PAK5: variants seen among roughly 807,000 people sequenced by gnomAD.
PAK5 encodes serine/threonine-protein kinase PAK 5.
Under a neutral mutation model 65.9 loss-of-function variants are expected in PAK5, and 16 were observed. That is an observed-to-expected ratio of 0.24 (90% CI 0.16 to 0.37). The LOEUF is 0.37. PAK5 is among the 10% of genes least tolerant of loss of function. The pLI is 1.00. For synonymous variants in PAK5, 371 were observed against 354.9 expected (o/e 1.05, Z -0.51); for missense variants, 785 against 903.9 (o/e 0.87, Z 1.69).
chr20:9,650,790 A>G (rs906802180), intron 2 of PAK5, among the ~76,000 whole-genome samples: 8 of 152,162 alleles, frequency 5.3e-5, no homozygotes, highest in Non-Finnish European at 1.0e-4. Context: ...CTCACCAGCA[A>G]TGCCTAGGGA....
chr20:9,777,948 T>A (rs141266398), intron 1 of PAK5, among the ~76,000 whole-genome samples: 3 of 152,270 alleles, frequency 2.0e-5, no homozygotes, highest in Admixed American at 1.3e-4. Context: ...GCTAAGCACT[T>A]GGGTGGGTTT....
At chr20:9,663,507 A>T (rs2047373813) in intron 2 of PAK5, among the ~76,000 whole-genome samples, 1 of 152,178 alleles carries the variant, frequency 6.6e-6, no homozygotes, top group Admixed American at 6.6e-5. Context: ...TCTTCAACTT[A>T]ATACTACTAT....
chr20:9,663,885 C>G (rs4816160), intron 2 of PAK5, among the ~76,000 whole-genome samples: 29,184 of 152,102 alleles, frequency 0.19, 3,351 homozygotes, highest in East Asian at 0.4. Context: ...GAATCACAAA[C>G]TAGAAATTAT....
At chr20:9,745,789 G>GA (rs1446120036) in intron 1 of PAK5, among the ~76,000 whole-genome samples, 1 of 151,782 alleles carries the variant, frequency 6.6e-6, no homozygotes, top group Non-Finnish European at 1.5e-5. Context: ...ATGAAGAACA[G>GA]AAAAATGAGT....
intron 3 of PAK5, among the ~76,000 whole-genome samples, chr20:9,585,755 A>G (rs1261357473): frequency 6.6e-6 from 1 of 152,212 alleles, no homozygotes; most frequent in Non-Finnish European, 1.5e-5. Context: ...GTTTTAAAAC[A>G]TCCTAATGCC....
In PAK5 at chr20:9,635,131, CTCTT is replaced by C. The variant is rs546067130; in HGVS notation, c.204+8990_204+8993del. ...ATTAACTGTCTTTATAACATATACA[CTCTT>C]TCTTCTTTAAGAAGGTTTGAATTTT... On this transcript the variant is annotated intron_variant, in intron 3 of 9. Transcript: ENST00000353224. Among the ~76,000 whole-genome samples the C allele has an allele frequency of 1.5e-4, 23 of 152,232 alleles. No individual in the cohort carries two copies. In the South Asian group the frequency reaches 4.2e-3, roughly 27 times the overall value.
intron 1 of PAK5, among the ~76,000 whole-genome samples, chr20:9,766,812 A>T (rs747444532): frequency 6.6e-6 from 1 of 152,048 alleles, no homozygotes; most frequent in Non-Finnish European, 1.5e-5. Flanking sequence ...GGTACTAATG[A>T]TATTCTGCTT....
In PAK5 at chr20:9,565,985, A is replaced by G; in HGVS notation, c.1390T>C (p.Cys464Arg). The change falls in exon 5 of 10, where the codon TGC (cysteine) becomes CGC (arginine). Residue 464 changes from cysteine to arginine, a missense_variant. Transcript: ENST00000353224. The part of the protein sequence containing the change: ...KIGEGSTGIV[C>R]IATEKHTGKQ... ...CCTGTGTGTTTCTCGGTGGCGATGC[A>G]TACGATGCCGGTTGAGCCTTCCCCG... The G allele has an allele frequency of 6.3e-7, 1 of 1,586,936 alleles. No individual in the cohort carries two copies. The highest frequency in any genetic ancestry group is 8.6e-7 in the Non-Finnish European group (1 of 1,168,922).
chr20:9,744,662 C>T (rs1396963414), intron 1 of PAK5, among the ~76,000 whole-genome samples: 1 of 152,190 alleles, frequency 6.6e-6, no homozygotes, highest in Non-Finnish European at 1.5e-5. Context: ...CAGAACTTCA[C>T]ATGAATGAGA....
chr20:9,638,814 T>G (rs1271017182), intron 3 of PAK5, among the ~76,000 whole-genome samples: 1 of 152,162 alleles, frequency 6.6e-6, no homozygotes, highest in African/African-American at 2.4e-5. Context: ...GGAAGAGTGT[T>G]GGTGGCAACG....
chr20:9,728,931 T>C (rs1460928546), intron 1 of PAK5, among the ~76,000 whole-genome samples: 1 of 152,224 alleles, frequency 6.6e-6, no homozygotes, highest in Non-Finnish European at 1.5e-5. Flanking sequence ...TCTTCATTTA[T>C]AGTATTGTGC....
At chr20:9,780,580 C>G (rs2048930919) in intron 1 of PAK5, among the ~76,000 whole-genome samples, 1 of 151,626 alleles carries the variant, frequency 6.6e-6, no homozygotes, top group Non-Finnish European at 1.5e-5. Context: ...TATGACTAAT[C>G]AAGATTTTAA....
rs991292249 is a variant in PAK5, at chr20:9,596,432, C to T, written c.205-15502G>A. Among the ~76,000 whole-genome samples, 65 of 152,096 alleles carry T rather than the reference C, an allele frequency of 4.3e-4. 1 individual carries two copies. Among genetic ancestry groups the T allele is most frequent in the African/African-American group, 1.3e-3 (55 of 41,520 alleles). ...CGGGCGGATCACAAGGTCAGGAGAT[C>T]AAGACCATCCTGGCTAACACAGTGA... On this transcript the variant is annotated intron_variant, in intron 3 of 9. Coordinates refer to ENST00000353224, the MANE Select transcript of PAK5 (RefSeq NM_177990.4).
chr20:9,589,725 C>T (rs1013976151), intron 3 of PAK5, among the ~76,000 whole-genome samples: 1 of 151,898 alleles, frequency 6.6e-6, no homozygotes, highest in Non-Finnish European at 1.5e-5. Flanking sequence ...GGCTGGAGTG[C>T]AATGGTGTGA....
chr20:9,591,828 CTGTTGT>C (rs963084885), intron 3 of PAK5, among the ~76,000 whole-genome samples: 1 of 151,952 alleles, frequency 6.6e-6, no homozygotes, highest in Admixed American at 6.6e-5. Flanking sequence ...ATTTAAATTT[CTGTTGT>C]TGTTGTTGTT....
At chr20:9,661,611 C>T (rs889418175) in intron 2 of PAK5, among the ~76,000 whole-genome samples, 12 of 152,108 alleles carry the variant, frequency 7.9e-5, no homozygotes, top group African/African-American at 2.7e-4. Flanking sequence ...TATTCTTCTC[C>T]CACCTCTCAT....
intron 3 of PAK5, among the ~76,000 whole-genome samples, chr20:9,616,316 A>G (rs2046654596): frequency 6.6e-6 from 1 of 152,210 alleles, no homozygotes; most frequent in African/African-American, 2.4e-5. Flanking sequence ...GAAAGCACAG[A>G]GAGTTTCAGG....
intron 3 of PAK5, among the ~76,000 whole-genome samples, chr20:9,591,532 T>C (rs1213264049): frequency 6.6e-6 from 1 of 152,080 alleles, no homozygotes; most frequent in African/African-American, 2.4e-5. Flanking sequence ...GACTGGTCTT[T>C]GAAATAATTA....
At chr20:9,772,929 C>T (rs1569082426) in intron 1 of PAK5, among the ~76,000 whole-genome samples, 1 of 152,188 alleles carries the variant, frequency 6.6e-6, no homozygotes, top group Non-Finnish European at 1.5e-5. Flanking sequence ...TTCCTCACCC[C>T]TCCATGGGAA....
Sources: gnomAD v4.1 joint callset for allele counts (sites outside exome capture counted in the v4.1 genomes callset) on GRCh38, gnomAD v4.1.1 for gene constraint, MANE v1.5 for transcripts, NCBI Gene and HGNC (gene_info 2026-07-23, HGNC 2026-07-21) for gene names.